Variants in LRMDA observed in about 807,000 individuals in gnomAD.
LRMDA encodes the protein leucine rich melanocyte differentiation associated.
A neutral mutation model predicts 29.8 loss-of-function variants in LRMDA; 18 were observed. The ratio of observed to expected loss-of-function variants is 0.60; its 90% CI spans 0.42 to 0.90. The LOEUF (loss-of-function observed/expected upper bound fraction) is 0.90, where lower values mean the gene tolerates loss of function less well. LRMDA is among the 40% of genes least tolerant of loss of function. LRMDA has a pLI of 0.00. For synonymous variants in LRMDA, 125 were observed against 109.4 expected (o/e 1.14, Z -0.89); for missense variants, 273 against 273.9 (o/e 1.00, Z 0.02).
At chr10:76,085,345 C>G (rs1849116883) in intron 5 of LRMDA, among the ~76,000 whole-genome samples, 1 of 152,138 alleles carries the variant, frequency 6.6e-6, no homozygotes, top group African/African-American at 2.4e-5. Context: ...TGAAGGGGAC[C>G]TGGGGGATAC....
intron 2 of LRMDA, among the ~76,000 whole-genome samples, chr10:76,034,527 C>T (rs1043076395): frequency 1.3e-5 from 2 of 152,074 alleles, no homozygotes; most frequent in Non-Finnish European, 2.9e-5. Context: ...TGGAACATGC[C>T]GGCAGAGCTC....
intron 2 of LRMDA, among the ~76,000 whole-genome samples, chr10:75,460,781 A>G (rs1346805405): frequency 1.3e-5 from 2 of 152,100 alleles, no homozygotes; most frequent in African/African-American, 2.4e-5. Context: ...TAGTGATTAC[A>G]TAATATCTTT....
chr10:75,467,139 A>G (rs1305330393), intron 2 of LRMDA, among the ~76,000 whole-genome samples: 2 of 152,170 alleles, frequency 1.3e-5, no homozygotes, highest in East Asian at 1.9e-4. Flanking sequence ...ACGTGGACAT[A>G]TGGCAGTCGG....
chr10:76,412,404 C>G (rs1277230068), intron 6 of LRMDA, among the ~76,000 whole-genome samples: 3 of 152,178 alleles, frequency 2.0e-5, no homozygotes, highest in Non-Finnish European at 4.4e-5. Context: ...CTTATTTGTT[C>G]TTCTGATTCA....
At chr10:75,830,019 T>A (rs1466925080) in intron 2 of LRMDA, among the ~76,000 whole-genome samples, 3 of 152,180 alleles carry the variant, frequency 2.0e-5, no homozygotes, top group Non-Finnish European at 4.4e-5. Context: ...TTTCTTTGAT[T>A]AGTTATCACT....
At chr10:76,160,753 T>C (rs978718687) in intron 5 of LRMDA, among the ~76,000 whole-genome samples, 6 of 152,190 alleles carry the variant, frequency 3.9e-5, no homozygotes, top group Non-Finnish European at 8.8e-5. Context: ...TTGGACTCTC[T>C]ACACTGGCCA....
chr10:76,506,960 CTTT>C (rs2132348032), intron 6 of LRMDA, among the ~76,000 whole-genome samples: 1 of 152,074 alleles, frequency 6.6e-6, no homozygotes, highest in Admixed American at 6.6e-5. Context: ...TATTTACTTT[CTTT>C]TGGACATATA....
intron 2 of LRMDA, among the ~76,000 whole-genome samples, chr10:75,636,858 A>G (rs1197946744): frequency 6.6e-6 from 1 of 150,798 alleles, no homozygotes; most frequent in Non-Finnish European, 1.5e-5. Context: ...TTTTTTTTTT[A>G]ACTTGTTTAT....
In LRMDA at chr10:75,694,572, T is replaced by C. The variant is rs187811470; in HGVS notation, c.131+256078T>C. On this transcript the variant is annotated intron_variant, in intron 2 of 6. Transcript: ENST00000611255. Reference sequence around the variant, plus strand: ...TGCACACAGGAATTCAATATGTATATGGAGGAATTCCCACTTTTTAATCTC... The same window carrying C: ...TGCACACAGGAATTCAATATGTATACGGAGGAATTCCCACTTTTTAATCTC... Among the ~76,000 whole-genome samples the C allele has an allele frequency of 2.0e-5, 3 of 152,324 alleles. No homozygotes were observed. The East Asian group carries it at 5.8e-4, about 29-fold the overall frequency.
intron 6 of LRMDA, among the ~76,000 whole-genome samples, chr10:76,451,581 A>AT (rs1842407387): frequency 6.9e-6 from 1 of 145,338 alleles, no homozygotes. Context: ...ATACTTTTCC[A>AT]TTTTCCTTTG....
chr10:75,971,823 G>A (rs1846977575), intron 2 of LRMDA, among the ~76,000 whole-genome samples: 1 of 152,128 alleles, frequency 6.6e-6, no homozygotes, highest in African/African-American at 2.4e-5. Flanking sequence ...TGAAGTTAGG[G>A]TTCTCAGAAA....
At chr10:76,044,342 C>G (rs1196601189) in intron 3 of LRMDA, among the ~76,000 whole-genome samples, 1 of 151,912 alleles carries the variant, frequency 6.6e-6, no homozygotes, top group Non-Finnish European at 1.5e-5. Flanking sequence ...TGGAAGGGGA[C>G]TTAGGACATT....
intron 2 of LRMDA, among the ~76,000 whole-genome samples, chr10:75,612,204 T>C (rs951656721): frequency 3.9e-5 from 6 of 152,208 alleles, no homozygotes; most frequent in Admixed American, 3.9e-4. Context: ...AGGTTTTACT[T>C]ATGCAGTGCC....
intron 6 of LRMDA, among the ~76,000 whole-genome samples, chr10:76,369,363 T>C (rs1225761581): frequency 6.6e-6 from 1 of 152,166 alleles, no homozygotes; most frequent in African/African-American, 2.4e-5. Flanking sequence ...CTTTCCTTCA[T>C]ATATGATGCT....
chr10:75,905,130 C>T (rs1044081883), intron 2 of LRMDA, among the ~76,000 whole-genome samples: 1 of 152,068 alleles, frequency 6.6e-6, no homozygotes, highest in Non-Finnish European at 1.5e-5. Context: ...GGCTGTTTTA[C>T]TCGGCTATCT....
chr10:76,245,035 C>G (rs1852349453), intron 5 of LRMDA, among the ~76,000 whole-genome samples: 1 of 152,166 alleles, frequency 6.6e-6, no homozygotes, highest in Non-Finnish European at 1.5e-5. Context: ...TCAGTACTAG[C>G]ATTCAATGGT....
At chr10:75,686,168 A>C (rs920928996) in intron 2 of LRMDA, among the ~76,000 whole-genome samples, 1 of 152,176 alleles carries the variant, frequency 6.6e-6, no homozygotes, top group Admixed American at 6.5e-5. Flanking sequence ...GGGAGGACAG[A>C]GGGCCACTGG....
intron 5 of LRMDA, among the ~76,000 whole-genome samples, chr10:76,073,732 A>G (rs1342811952): frequency 1.3e-5 from 2 of 152,156 alleles, no homozygotes; most frequent in Non-Finnish European, 2.9e-5. Flanking sequence ...CATTGCACCT[A>G]CCCAGGCTAG....
intron 2 of LRMDA, among the ~76,000 whole-genome samples, chr10:75,894,326 A>G (rs181181856): frequency 8.5e-5 from 13 of 152,260 alleles, no homozygotes; most frequent in Admixed American, 5.9e-4. Flanking sequence ...ATAGTCTCCA[A>G]TCTCATCCAG....
Sources: gnomAD v4.1 joint callset for allele counts (sites outside exome capture counted in the v4.1 genomes callset) on GRCh38, gnomAD v4.1.1 for gene constraint, MANE v1.5 for transcripts, NCBI Gene and HGNC (gene_info 2026-07-23, HGNC 2026-07-21) for gene names.